The following PCBP3 variants were observed in gnomAD, a reference collection of about 807,000 sequenced individuals.
The protein encoded by PCBP3 is poly(rC)-binding protein 3.
Under a neutral mutation model 52.7 loss-of-function variants are expected in PCBP3, and 25 were observed. The observed-to-expected ratio is 0.47, with a 90% confidence interval of 0.35 to 0.66. The LOEUF (loss-of-function observed/expected upper bound fraction) is 0.66, where lower values mean the gene tolerates loss of function less well. PCBP3 is among the 30% of genes least tolerant of loss of function. The pLI, the probability that PCBP3 is intolerant of heterozygous loss-of-function variation, is 0.01. For missense variants in PCBP3, 391 were observed against 490.3 expected (o/e 0.80, Z 1.91); for synonymous variants, 162 against 183.0 (o/e 0.89, Z 0.93).
intron 5 of PCBP3, 136 bp from the exon 6 acceptor site, chr21:45,896,072 T>G (rs2149011292): frequency 2.6e-6 from 2 of 757,520 alleles, no homozygotes; most frequent in East Asian, 5.4e-5. Flanking sequence ...AGGCGAGGCC[T>G]GGTCAGCACA....
chr21:45,900,491 T>G lies in PCBP3; in HGVS notation c.190-100T>G, dbSNP rs532367800. On this transcript the variant is annotated intron_variant, in intron 7 of 17. Transcript: ENST00000681687. ...CCAGCACAGGCAGGAGGCTCTGCTG[T>G]GTGGGCGTATGGGCCAGGCTGCTCC... 2,366 of 855,032 alleles carry G rather than the reference T, an allele frequency of 2.8e-3. 8 individuals carry two copies. Among genetic ancestry groups the G allele is most frequent in the Non-Finnish European group, 3.2e-3 (1,628 of 502,566 alleles). The allele number at this position is 855,032 out of a possible 1,614,324, so 53.0% of individuals were successfully genotyped here. A position where few individuals can be genotyped will look rare whatever the true frequency, so the allele number is the denominator to read the frequency against.
rs2085844501 is a variant in PCBP3, at chr21:45,736,002, G to T, written c.-162+573G>T. ...AATTCTAGTTTTGTAAAACTACCTT[G>T]AGATGACTCCTTTTAAAATTATCCT... On this transcript the variant is annotated intron_variant, in intron 3 of 17. Coordinates refer to ENST00000681687, the MANE Select transcript of PCBP3 (RefSeq NM_001384156.1). This position sits in a 1 kb window ranked among gnomAD's most constrained non-coding sequence, Gnocchi z 4.6. Among the ~76,000 whole-genome samples, 1 of 152,214 alleles carries T rather than the reference G, an allele frequency of 6.6e-6. No individual in the cohort carries two copies. Among genetic ancestry groups the T allele is most frequent in the Non-Finnish European group, 1.5e-5 (1 of 68,042 alleles).
chr21:45,750,129 G>T (rs2087290758), intron 3 of PCBP3: 1 of 152,320 alleles, frequency 6.6e-6, no homozygotes, highest in Admixed American at 6.5e-5. Flanking sequence ...CTCGCCAGGT[G>T]CGGAGCAACG....
chr21:45,729,766 G>A (rs941771272), intron 2 of PCBP3, among the ~76,000 whole-genome samples: 6 of 151,030 alleles, frequency 4.0e-5, no homozygotes, highest in East Asian at 1.9e-4. Flanking sequence ...ACCAACTTTC[G>A]GTTTTATTAA....
intron 4 of PCBP3, among the ~76,000 whole-genome samples, chr21:45,766,491 G>A (rs1175005010): frequency 2.6e-5 from 4 of 152,210 alleles, no homozygotes; most frequent in African/African-American, 4.8e-5. Flanking sequence ...CTGCAAAACC[G>A]AGGAAGAACA....
chr21:45,778,278 G>T (rs1295281800), intron 4 of PCBP3, among the ~76,000 whole-genome samples: 1 of 152,164 alleles, frequency 6.6e-6, no homozygotes, highest in African/African-American at 2.4e-5. Context: ...GGGATGCCAG[G>T]TGAGCCAGAC....
chr21:45,734,475 G>A (rs952605501), intron 2 of PCBP3, among the ~76,000 whole-genome samples: 2 of 152,162 alleles, frequency 1.3e-5, no homozygotes, highest in African/African-American at 2.4e-5. Flanking sequence ...GTGGGGTCCT[G>A]AGTGCAGTGC....
At chr21:45,811,393 C>T (rs1314300932) in intron 4 of PCBP3, among the ~76,000 whole-genome samples, 3 of 152,244 alleles carry the variant, frequency 2.0e-5, no homozygotes, top group African/African-American at 7.2e-5. Context: ...AGTCCTCCTC[C>T]ACCTGCTGTG....
chr21:45,857,170 G>A (rs1254397192), intron 5 of PCBP3, among the ~76,000 whole-genome samples: 1 of 152,182 alleles, frequency 6.6e-6, no homozygotes, highest in African/African-American at 2.4e-5. Context: ...CTTTACAGAT[G>A]CAAATGTTCC....
chr21:45,714,528 A>G (rs1045917656), intron 2 of PCBP3, among the ~76,000 whole-genome samples: 1 of 152,240 alleles, frequency 6.6e-6, no homozygotes, highest in Non-Finnish European at 1.5e-5. Context: ...TACAGATAAG[A>G]TTATACATTT....
At chr21:45,645,229 TC>T (rs2079177843) in intron 1 of PCBP3, among the ~76,000 whole-genome samples, 1 of 68,606 alleles carries the variant, frequency 1.5e-5, no homozygotes. Flanking sequence ...TGTCTCACTT[TC>T]GAGCAGTATT....
chr21:45,840,797 T>C (rs1956706434), intron 4 of PCBP3, among the ~76,000 whole-genome samples: 1 of 152,204 alleles, frequency 6.6e-6, no homozygotes, highest in South Asian at 2.1e-4. Context: ...AATTTTTTTG[T>C]AGCGCTGAGG....
At chr21:45,688,017 C>G (rs1010721945) in intron 2 of PCBP3, among the ~76,000 whole-genome samples, 18 of 152,094 alleles carry the variant, frequency 1.2e-4, no homozygotes, top group African/African-American at 4.3e-4. Flanking sequence ...AGGCATGAGC[C>G]ACCGTGCCTG....
chr21:45,821,628 G>A lies in PCBP3; in HGVS notation c.-125-28333G>A, dbSNP rs756060267. ...ACCTGTCTCCCTGGTTCTTGTTCTG[G>A]CTTCTCCACGGGACCCTCCTGTCCT... On this transcript the variant is annotated intron_variant, in intron 4 of 17. Coordinates refer to ENST00000681687, the MANE Select transcript of PCBP3 (RefSeq NM_001384156.1). The surrounding 1 kb of genome is among the most constrained non-coding windows in gnomAD (Gnocchi z 4.4). 9.9e-5 allele frequency among the ~76,000 whole-genome samples: 15 copies of A among 152,026 alleles called. No individual in the cohort carries two copies. Among genetic ancestry groups the A allele is most frequent in the Non-Finnish European group, 2.1e-4 (14 of 68,006 alleles).
At chr21:45,776,468 CTT>C (rs1352298094) in intron 4 of PCBP3, among the ~76,000 whole-genome samples, 1 of 144,164 alleles carries the variant, frequency 6.9e-6, no homozygotes, top group African/African-American at 2.5e-5. Context: ...TTGAGTCTCT[CTT>C]TCTCTCTCTC....
chr21:45,812,589 AC>A (rs1254288103), intron 4 of PCBP3, among the ~76,000 whole-genome samples: 6 of 152,016 alleles, frequency 3.9e-5, no homozygotes, highest in Non-Finnish European at 8.8e-5. Flanking sequence ...TTTAGTACAA[AC>A]CGGGTTTCAC....
chr21:45,724,434 T>A lies in PCBP3; in HGVS notation c.-199-10958T>A, dbSNP rs546623336. Among the ~76,000 whole-genome samples, 1 of 152,236 alleles carries A rather than the reference T, an allele frequency of 6.6e-6. No individual in the cohort carries two copies. The highest frequency in any genetic ancestry group is 1.5e-5 in the Non-Finnish European group (1 of 68,006). On this transcript the variant is annotated intron_variant, in intron 2 of 17. Transcript: ENST00000681687. The surrounding 1 kb of genome is among the most constrained non-coding windows in gnomAD (Gnocchi z 5.3). ...CTGCTTTCTGCTCTCTGCTTGTTCA[T>A]CCTCTCCCAACGGGGCAGCCCCAGA... is the stretch of plus-strand genomic sequence containing the variant.
At chr21:45,816,498 CCCCCTCCCCTCCCCTCCCCT>C (rs1211168287) in intron 4 of PCBP3, among the ~76,000 whole-genome samples, 2 of 55,226 alleles carry the variant, frequency 3.6e-5, no homozygotes, top group African/African-American at 1.6e-4. Flanking sequence ...TCCTCCCCTT[CCCCCTCCCCTCCCCTCCCCT>C]CCCCTCCCCT....
At chr21:45,930,878 C>T (rs1425437888) in intron 15 of PCBP3, 33 bp downstream of exon 15, 2 of 1,611,812 alleles carry the variant, frequency 1.2e-6, no homozygotes, top group African/African-American at 1.3e-5. Flanking sequence ...GGAGAACAGG[C>T]CAGGGCAGCA....
Sources: gnomAD v4.1 joint callset for allele counts (sites outside exome capture counted in the v4.1 genomes callset) on GRCh38, gnomAD v4.1.1 for gene constraint, Gnocchi (gnomAD v3.1) non-coding constraint, MANE v1.5 for transcripts, NCBI Gene and HGNC (gene_info 2026-07-23, HGNC 2026-07-21) for gene names.